The following CFAP54 variants were observed in gnomAD, a reference collection of about 807,000 sequenced individuals.
CFAP54 encodes the protein cilia and flagella associated protein 54.
A neutral mutation model predicts 370.4 loss-of-function variants in CFAP54; 290 were observed. The ratio of observed to expected loss-of-function variants is 0.78; its 90% CI spans 0.71 to 0.86. The LOEUF is 0.86. CFAP54 is among the 40% of genes least tolerant of loss of function. The pLI is 0.00. For synonymous variants in CFAP54, 1,206 were observed against 1,236.5 expected, an observed-to-expected ratio of 0.98 and a Z score of 0.52; for missense variants, 3,399 against 3,528.7, an observed-to-expected ratio of 0.96 and a Z score of 0.93.
At chr12:96,706,004 C>T (rs1258913699) in intron 47 of CFAP54, among the ~76,000 whole-genome samples, 1 of 151,720 alleles carries the variant, frequency 6.6e-6, no homozygotes, top group Non-Finnish European at 1.5e-5. Flanking sequence ...AATAGATAGC[C>T]CCAACATCTG....
chr12:96,603,527 C>G (rs1202246535), intron 26 of CFAP54, among the ~76,000 whole-genome samples: 2 of 152,190 alleles, frequency 1.3e-5, no homozygotes, highest in African/African-American at 2.4e-5. Context: ...GGGAAATTCT[C>G]CTGGATAATA....
intron 64 of CFAP54, among the ~76,000 whole-genome samples, chr12:96,815,107 C>T (rs913999737): frequency 1.3e-5 from 2 of 152,154 alleles, no homozygotes; most frequent in African/African-American, 4.8e-5. Flanking sequence ...ATTTCTGGTT[C>T]TACATCCTTG....
At chr12:96,646,220 T>C (rs1236443073) in intron 33 of CFAP54, 1 of 152,062 alleles carries the variant, frequency 6.6e-6, no homozygotes, top group Non-Finnish European at 1.5e-5. Flanking sequence ...AGGGCTAATA[T>C]CCAGAATCTA....
chr12:96,565,619 G>A (rs775564786), intron 19 of CFAP54, among the ~76,000 whole-genome samples: 8 of 152,064 alleles, frequency 5.3e-5, no homozygotes, highest in Non-Finnish European at 1.0e-4. Context: ...AGAAATTGAA[G>A]ATAATAAGAG....
chr12:96,497,308 A>G (rs927087812), intron 1 of CFAP54, among the ~76,000 whole-genome samples: 1 of 152,222 alleles, frequency 6.6e-6, no homozygotes, highest in African/African-American at 2.4e-5. Flanking sequence ...TATATAGGCA[A>G]GAGACCCAAA....
intron 65 of CFAP54, among the ~76,000 whole-genome samples, chr12:96,825,272 C>T (rs2371198): frequency 4.6e-4 from 24 of 52,076 alleles, no homozygotes; most frequent in African/African-American, 1.3e-3. Context: ...TATAATATAA[C>T]ATGTTATATT....
chr12:96,508,317 G>A (rs529448060), intron 4 of CFAP54, among the ~76,000 whole-genome samples: 7 of 144,316 alleles, frequency 4.9e-5, no homozygotes, highest in Admixed American at 3.5e-4. Flanking sequence ...ATGGAGTCTC[G>A]CTGTGTTGCC....
chr12:96,589,758 CT>C (rs1391109484), intron 23 of CFAP54, among the ~76,000 whole-genome samples, 195 bp downstream of exon 23: 1 of 151,580 alleles, frequency 6.6e-6, no homozygotes, highest in African/African-American at 2.4e-5. Flanking sequence ...TTCTTTCTTT[CT>C]TTTTTTTAAT....
chr12:96,663,276 T>C (rs989549209), intron 38 of CFAP54, among the ~76,000 whole-genome samples: 3 of 152,190 alleles, frequency 2.0e-5, no homozygotes, highest in African/African-American at 7.2e-5. Flanking sequence ...GATAGGTTAG[T>C]TCAAGGGATG....
chr12:96,515,290 G>A (rs1031142760), intron 5 of CFAP54, among the ~76,000 whole-genome samples: 8 of 151,922 alleles, frequency 5.3e-5, no homozygotes, highest in Admixed American at 6.6e-5. Flanking sequence ...GATTACAGGC[G>A]TGAGCCACGG....
chr12:96,534,040 G>C, intron 10 of CFAP54, 22 bp from the exon 11 acceptor site: 1 of 1,505,552 alleles, frequency 6.6e-7, no homozygotes, highest in South Asian at 1.3e-5. Flanking sequence ...ACTAATTAAC[G>C]TGTGGGATAT....
intron 64 of CFAP54, 47 bp downstream of exon 64, chr12:96,811,889 A>C: frequency 4.7e-5 from 52 of 1,112,582 alleles, no homozygotes; most frequent in Non-Finnish European, 6.1e-5. Flanking sequence ...GTTATCTCTC[A>C]CGAGAATAGA....
intron 36 of CFAP54, among the ~76,000 whole-genome samples, chr12:96,654,984 A>C (rs1956905711): frequency 1.3e-5 from 2 of 152,060 alleles, no homozygotes; most frequent in African/African-American, 4.8e-5. Flanking sequence ...GTATGAATTG[A>C]AATTCATTTT....
intron 63 of CFAP54, among the ~76,000 whole-genome samples, chr12:96,793,586 A>G (rs1958726946): frequency 6.6e-6 from 1 of 152,074 alleles, no homozygotes; most frequent in Non-Finnish European, 1.5e-5. Flanking sequence ...TGGGATTGCT[A>G]GATCAAATGG....
intron 38 of CFAP54, among the ~76,000 whole-genome samples, chr12:96,660,867 C>T (rs992865391): frequency 2.6e-5 from 4 of 152,034 alleles, no homozygotes; most frequent in African/African-American, 4.8e-5. Flanking sequence ...TCCTTGGGTT[C>T]GATTAATTTG....
chr12:96,513,041 C>G lies in CFAP54; in HGVS notation c.795C>G (p.Ser265=). The change falls in exon 5 of 68, where the codon TCC becomes TCG. Residue 265 remains serine, a synonymous_variant. Coordinates refer to ENST00000524981, the MANE Select transcript of CFAP54 (RefSeq NM_001306084.2). The part of the protein sequence containing the change: ...CRKLMVIGQS[S]KALEYLLWAS... ...AACTGATGGTCATAGGTCAGTCTTC[C>G]AAGGTATGAAATGTACTGACAAAAT... 6.6e-7 allele frequency: 1 copy of G among 1,508,348 alleles called. No individual in the cohort carries two copies. Among genetic ancestry groups the G allele is most frequent in the South Asian group, 1.3e-5 (1 of 79,080 alleles). The allele number at this position is 1,508,348 out of a possible 1,614,324, so 93.4% of individuals were successfully genotyped here. A position where few individuals can be genotyped will look rare whatever the true frequency, so the allele number is the denominator to read the frequency against.
intron 39 of CFAP54, among the ~76,000 whole-genome samples, chr12:96,666,859 C>G (rs996665058): frequency 6.6e-6 from 1 of 152,148 alleles, no homozygotes; most frequent in African/African-American, 2.4e-5. Context: ...AGAATTAACT[C>G]AAAAGTCCAC....
At chr12:96,797,202 G>A (rs182387940) in intron 63 of CFAP54, among the ~76,000 whole-genome samples, 2 of 151,924 alleles carry the variant, frequency 1.3e-5, no homozygotes, top group African/African-American at 2.4e-5. Flanking sequence ...AAAAATTTTA[G>A]TGTGATTACT....
intron 59 of CFAP54, 30 bp downstream of exon 59, chr12:96,764,279 CTT>C: frequency 6.7e-7 from 1 of 1,500,394 alleles, no homozygotes; most frequent in Non-Finnish European, 9.2e-7. Flanking sequence ...AATCTTTCTT[CTT>C]ACTGTCATAT....
Sources: allele counts gnomAD v4.1 joint callset (sites outside exome capture counted in the v4.1 genomes callset), GRCh38; gene constraint gnomAD v4.1.1; transcripts MANE v1.5; gene names NCBI Gene and HGNC (gene_info 2026-07-23, HGNC 2026-07-21).